The following AKT3 variants were observed in gnomAD, a reference collection of about 807,000 sequenced individuals.
The protein encoded by AKT3 is AKT serine/threonine kinase 3, also known as RAC-gamma serine/threonine-protein kinase.
In AKT3, 15 loss-of-function variants were observed where a neutral mutation model predicts 65.3. That is an observed-to-expected ratio of 0.23 (90% CI 0.15 to 0.35). The LOEUF is 0.35. Among genes scored for constraint, AKT3 ranks in the 10% least tolerant of loss-of-function variants. The probability of loss-of-function intolerance (pLI) is 1.00; values close to 1 mark genes in which losing one functional copy is unlikely to be tolerated. For missense variants in AKT3, 243 were observed against 576.5 expected (o/e 0.42, Z 5.92); for synonymous variants, 206 against 183.8 (o/e 1.12, Z -0.98).
At chr1:243,738,709 CTG>C (rs1687980757) in intron 2 of AKT3, among the ~76,000 whole-genome samples, 1 of 152,124 alleles carries the variant, frequency 6.6e-6, no homozygotes, top group South Asian at 2.1e-4. Flanking sequence ...CCATTACACA[CTG>C]TAAAATTTAG....
chr1:243,682,072 A>G (rs1444734569), intron 3 of AKT3, among the ~76,000 whole-genome samples: 2 of 152,174 alleles, frequency 1.3e-5, no homozygotes, highest in African/African-American at 4.8e-5. Context: ...CTCTTTCTAG[A>G]AACTATAAAT....
chr1:243,694,117 A>G (rs373518421), intron 3 of AKT3, among the ~76,000 whole-genome samples: 1 of 152,160 alleles, frequency 6.6e-6, no homozygotes. Context: ...AAAATGCTGC[A>G]TTTTGATCAG....
intron 2 of AKT3, among the ~76,000 whole-genome samples, chr1:243,753,311 T>C (rs1179878762): frequency 6.6e-6 from 1 of 152,164 alleles, no homozygotes; most frequent in Non-Finnish European, 1.5e-5. Flanking sequence ...CTAGGGAATA[T>C]AAAGCAAGGT....
chr1:243,711,514 T>C (rs184153872), intron 2 of AKT3, among the ~76,000 whole-genome samples: 123 of 152,338 alleles, frequency 8.1e-4, no homozygotes, highest in African/African-American at 2.8e-3. Context: ...AACAACCTTC[T>C]ATCTGTGACC....
chr1:243,715,887 G>A (rs971935375), intron 2 of AKT3, among the ~76,000 whole-genome samples: 17 of 151,954 alleles, frequency 1.1e-4, no homozygotes, highest in Admixed American at 9.2e-4. Context: ...TAATACTTAG[G>A]GTAAATGGGA....
chr1:243,792,835 CTAA>C (rs1183821274), intron 2 of AKT3, among the ~76,000 whole-genome samples: 1 of 152,152 alleles, frequency 6.6e-6, no homozygotes. Context: ...AGCTATCAAT[CTAA>C]TAATCTCCAA....
intron 8 of AKT3, among the ~76,000 whole-genome samples, chr1:243,590,975 G>C (rs1173500497): frequency 1.3e-5 from 2 of 152,148 alleles, no homozygotes; most frequent in East Asian, 3.8e-4. Flanking sequence ...CAATGTCCAG[G>C]CTGTAACACA....
rs986390382 is a variant in AKT3 at position 243,618,744 on chromosome 1, A to G, written c.562-3583T>C. On this transcript the variant is annotated intron_variant, in intron 6 of 13. Transcript: ENST00000673466. ...TTCAGGCAGAAGAATAGTCTTTTTAATATTTTATTTTCCCAATCCTCTCCA... is the reference window on the plus strand; with the variant it reads ...TTCAGGCAGAAGAATAGTCTTTTTAGTATTTTATTTTCCCAATCCTCTCCA... Among the ~76,000 whole-genome samples, 4 of 152,242 alleles carry G rather than the reference A, an allele frequency of 2.6e-5. No individual in the cohort carries two copies. In the South Asian group the frequency reaches 6.2e-4, roughly 24 times the overall value.
chr1:243,751,702 C>T (rs1302302816), intron 2 of AKT3, among the ~76,000 whole-genome samples: 1 of 152,022 alleles, frequency 6.6e-6, no homozygotes, highest in Non-Finnish European at 1.5e-5. Flanking sequence ...GGACCTTTGT[C>T]TACAGGAACA....
chr1:243,534,453 C>T (rs1671761679), intron 12 of AKT3, among the ~76,000 whole-genome samples: 1 of 152,180 alleles, frequency 6.6e-6, no homozygotes, highest in African/African-American at 2.4e-5. Flanking sequence ...CATGTCCCCC[C>T]AGTCAGTTAA....
intron 8 of AKT3, among the ~76,000 whole-genome samples, chr1:243,598,198 T>C (rs1676759242): frequency 6.6e-6 from 1 of 152,126 alleles, no homozygotes; most frequent in Non-Finnish European, 1.5e-5. Context: ...AATTCAGAAA[T>C]ACCTCTCAAA....
intron 6 of AKT3, 97 bp from the exon 7 acceptor site, chr1:243,615,258 G>T: frequency 3.5e-6 from 3 of 864,382 alleles, no homozygotes; most frequent in Non-Finnish European, 1.7e-6. Flanking sequence ...TAAGCCCAGA[G>T]ATTGAAAAGG....
intron 2 of AKT3, among the ~76,000 whole-genome samples, chr1:243,798,031 C>T (rs1364489275): frequency 6.6e-6 from 1 of 150,858 alleles, no homozygotes; most frequent in Non-Finnish European, 1.5e-5. Context: ...TACAGGCGCC[C>T]ACCACCACAC....
chr1:243,799,160 T>G (rs995026277), intron 2 of AKT3, among the ~76,000 whole-genome samples: 3 of 152,030 alleles, frequency 2.0e-5, no homozygotes, highest in Non-Finnish European at 4.4e-5. Context: ...GCACATTAAG[T>G]AGACACTCAA....
chr1:243,688,996 T>A (rs1684516987), intron 3 of AKT3, among the ~76,000 whole-genome samples: 1 of 152,194 alleles, frequency 6.6e-6, no homozygotes, highest in African/African-American at 2.4e-5. Context: ...TCAGGGCTCA[T>A]GTTAACCCCA....
chr1:243,622,678 A>C (rs1387345810), intron 6 of AKT3, among the ~76,000 whole-genome samples: 1 of 152,248 alleles, frequency 6.6e-6, no homozygotes, highest in Non-Finnish European at 1.5e-5. Context: ...TAACTCTAGA[A>C]CATAAATCAC....
rs141457527 is a variant in AKT3, at chr1:243,515,612, T to C, written c.1252-3186A>G. ...CACTGGTAGTGATTCTTTGTATCTATTGTTAGATTTGATTTGCTAAAATTA... is the reference window on the plus strand; with the variant it reads ...CACTGGTAGTGATTCTTTGTATCTACTGTTAGATTTGATTTGCTAAAATTA... On this transcript the variant is annotated intron_variant, in intron 12 of 13. Transcript: ENST00000673466. 2.5e-3 allele frequency among the ~76,000 whole-genome samples: 388 copies of C among 152,334 alleles called. 3 individuals are homozygous for C. The highest frequency in any genetic ancestry group is 8.9e-3 in the African/African-American group (370 of 41,574).
chr1:243,780,934 G>A (rs1209421655), intron 2 of AKT3, among the ~76,000 whole-genome samples: 2 of 151,642 alleles, frequency 1.3e-5, no homozygotes, highest in Non-Finnish European at 2.9e-5. Context: ...CTTATGCCTA[G>A]GGAAAAAAAC....
At chr1:243,658,792 C>A (rs1331985983) in intron 4 of AKT3, among the ~76,000 whole-genome samples, 1 of 150,584 alleles carries the variant, frequency 6.6e-6, no homozygotes, top group Admixed American at 6.6e-5. Flanking sequence ...GTAATTCCAG[C>A]CGAGGGAGGA....
Sources: allele counts gnomAD v4.1 joint callset (sites outside exome capture counted in the v4.1 genomes callset), GRCh38; gene constraint gnomAD v4.1.1; transcripts MANE v1.5; gene names NCBI Gene and HGNC (gene_info 2026-07-23, HGNC 2026-07-21).